POM121C: variants seen among roughly 807,000 people sequenced by gnomAD.
POM121C encodes nuclear envelope pore membrane protein POM 121C.
A neutral mutation model predicts 66.4 loss-of-function variants in POM121C; 20 were observed. That is an observed-to-expected ratio of 0.30 (90% CI 0.21 to 0.44). The LOEUF is 0.44. Ranked by LOEUF, POM121C falls within the 20% of genes least tolerant of loss-of-function variation. POM121C has a pLI of 1.00. For missense variants in POM121C, 580 were observed against 1,225.7 expected, an observed-to-expected ratio of 0.47 and a Z score of 7.87; for synonymous variants, 286 against 528.0, an observed-to-expected ratio of 0.54 and a Z score of 6.28.
chr7:75,476,506 C>T (rs1792082817), intron 1 of POM121C, among the ~76,000 whole-genome samples: 1 of 151,838 alleles, frequency 6.6e-6, no homozygotes, highest in African/African-American at 2.4e-5. Context: ...CAGCTAGGAC[C>T]ATGTAGATCC....
chr7:75,438,524 T>A (rs1790505606), intron 6 of POM121C, among the ~76,000 whole-genome samples: 1 of 152,206 alleles, frequency 6.6e-6, no homozygotes, highest in African/African-American at 2.4e-5. Context: ...AACATCTTCG[T>A]TGCTTCACTG....
chr7:75,443,263 T>C (rs1790729873), intron 3 of POM121C, among the ~76,000 whole-genome samples: 1 of 152,042 alleles, frequency 6.6e-6, no homozygotes, highest in Non-Finnish European at 1.5e-5. Flanking sequence ...TCTGAGAAAG[T>C]AGATTAGTGG....
chr7:75,462,756 T>TG, intron 3 of POM121C, among the ~76,000 whole-genome samples: 1 of 151,802 alleles, frequency 6.6e-6, no homozygotes, highest in South Asian at 2.1e-4. Flanking sequence ...GTAAATCAAA[T>TG]GCATACCCTG....
rs782740641 is a variant in POM121C at position 75,421,860 on chromosome 7, T to C, written c.2392A>G (p.Thr798Ala). ...GCTGCACCGAAGGAGAAGACAGCAG[T>C]GGAGCCGCCAAAGGCGGGCTGTGAG... The part of the protein sequence containing the change: ...ASSQPAFGGS[T>A]AVFSFGAATS... The change falls in exon 13 of 15, where the codon ACT becomes GCT. Residue 798 changes from threonine (T) to alanine (A), a missense_variant. Thr to Ala is a moderately conservative substitution (Grantham distance 58, BLOSUM62 0). Coordinates refer to ENST00000615331, the MANE Select transcript of POM121C (RefSeq NM_001099415.3). The C allele has an allele frequency of 9.9e-6, 16 of 1,610,888 alleles. No individual in the cohort carries two copies. In the Admixed American group the frequency reaches 1.3e-4, roughly 13 times the overall value.
rs369193599 is a variant in POM121C, at chr7:75,433,448, C to T, written c.480+4067G>A. 4.6e-5 allele frequency among the ~76,000 whole-genome samples: 7 copies of T among 151,844 alleles called. No homozygotes were observed. The South Asian group carries it at 6.2e-4, about 14-fold the overall frequency. The stretch of plus-strand genomic sequence containing the variant: ...TCTGCTTACTGCAAGCTCCGCCTCC[C>T]GGGTTCACGCCATTCTCCTGCCTCA... On this transcript the variant is annotated intron_variant, in intron 7 of 14. Coordinates refer to ENST00000615331, the MANE Select transcript of POM121C (RefSeq NM_001099415.3).
At chr7:75,434,052 A>G (rs879961754) in intron 7 of POM121C, among the ~76,000 whole-genome samples, 2 of 152,146 alleles carry the variant, frequency 1.3e-5, no homozygotes, top group Non-Finnish European at 2.9e-5. Context: ...GTGTGAGGAG[A>G]CTGTTTCTTG....
In POM121C at chr7:75,421,608, T is replaced by G. The variant is rs236661; in HGVS notation, c.2644A>C (p.Thr882Pro). 5 of 1,608,708 alleles carry G rather than the reference T, an allele frequency of 3.1e-6. No individual in the cohort carries two copies. The Admixed American group carries it at 8.4e-5, about 27-fold the overall frequency. ...SGSTATSTPF[T>P]GGLGQNALGT... The stretch of plus-strand genomic sequence containing the variant: ...AGGGCGTTCTGACCTAAGCCCCCTG[T>G]GAAGGGGGTGGAGGTGGCTGTGCTC... The change falls in exon 13 of 15, where the codon ACA becomes CCA. Residue 882 changes from threonine to proline, a missense_variant. Physicochemically the swap from Thr to Pro is conservative, Grantham distance 38. Transcript: ENST00000615331.
intron 3 of POM121C, chr7:75,442,599 G>A (rs1311052002): frequency 2.3e-5 from 35 of 1,491,308 alleles, no homozygotes; most frequent in Non-Finnish European, 3.1e-5. Context: ...AGGCCGACCA[G>A]CGACAGGCCG....
intron 3 of POM121C, among the ~76,000 whole-genome samples, chr7:75,458,766 C>T (rs1791340877): frequency 1.3e-5 from 2 of 152,122 alleles, no homozygotes; most frequent in African/African-American, 2.4e-5. Context: ...TTAAAACTTA[C>T]TCCTCATACT....
At chr7:75,484,492 C>G (rs1280162366) in intron 1 of POM121C, among the ~76,000 whole-genome samples, 2 of 151,906 alleles carry the variant, frequency 1.3e-5, no homozygotes, top group Non-Finnish European at 2.9e-5. Flanking sequence ...GGCAAAACCC[C>G]GTCTCTACTT....
Position 75,421,735 on chromosome 7 carries a change from A to G in POM121C, c.2517T>C (p.Gly839=). ...TCCCACTGCCAGCGGGGGCTGCCGAACCCCCAAACGTGAAGGGTGATGGTG... is the reference window on the plus strand; with the variant it reads ...TCCCACTGCCAGCGGGGGCTGCCGAGCCCCCAAACGTGAAGGGTGATGGTG... ...STTPSPFTFG[G]SAAPAGSGSF... The change falls in exon 13 of 15, where the codon GGT becomes GGC. Residue 839 remains glycine (G), a synonymous_variant. Coordinates refer to ENST00000615331, the MANE Select transcript of POM121C (RefSeq NM_001099415.3). 1 of 1,608,110 alleles carries G rather than the reference A, an allele frequency of 6.2e-7. No individual in the cohort carries two copies. Among genetic ancestry groups the G allele is most frequent in the Non-Finnish European group, 8.5e-7 (1 of 1,178,032 alleles).
At chr7:75,483,085 T>C (rs368495283) in intron 1 of POM121C, among the ~76,000 whole-genome samples, 16 of 151,960 alleles carry the variant, frequency 1.1e-4, no homozygotes, top group Admixed American at 7.2e-4. Flanking sequence ...CCCCCCATGA[T>C]CTAGGACTCA....
chr7:75,457,906 G>A (rs1417112063), intron 3 of POM121C, among the ~76,000 whole-genome samples: 3 of 152,348 alleles, frequency 2.0e-5, no homozygotes, highest in South Asian at 2.1e-4. Flanking sequence ...TAGAACAGGA[G>A]TGAAAGTTTA....
At position 75,417,480 on chromosome 7, in the gene POM121C, A is replaced by T. The variant is rs1428196723; in HGVS notation, c.*1316T>A. ...TTTTTCTTTTAATTTAGACACACGC[A>T]TTCATACTTCTCCCAAAGAGGTTGG... On this transcript the variant is annotated 3_prime_UTR_variant, in exon 15 of 15. Transcript: ENST00000615331. 3.1e-6 allele frequency: 3 copies of T among 980,844 alleles called. No homozygotes were observed. The African/African-American group carries it at 5.3e-5, about 17-fold the overall frequency. 60.8% of individuals were successfully genotyped at this position (980,844 alleles called of 1,614,324 possible).
intron 3 of POM121C, among the ~76,000 whole-genome samples, chr7:75,465,141 T>C (rs1372892212): frequency 5.3e-5 from 8 of 151,378 alleles, no homozygotes; most frequent in Non-Finnish European, 8.8e-5. Context: ...ATTACAGGCA[T>C]GCGCCACCAT....
At position 75,429,560 on chromosome 7, in the gene POM121C, G is replaced by C. The variant is rs781807355; in HGVS notation, c.481-3107C>G. ...GCAGGAGAATCACTTGAACCCGGGA[G>C]GTGGAGGGTGCAGTGAGCCGAGATT... On this transcript the variant is annotated intron_variant, in intron 7 of 14. Transcript: ENST00000615331. Among the ~76,000 whole-genome samples the C allele has an allele frequency of 9.2e-5, 14 of 152,282 alleles. No homozygotes were observed. In the South Asian group the frequency reaches 1.4e-3, roughly 16 times the overall value.
intron 3 of POM121C, among the ~76,000 whole-genome samples, chr7:75,446,987 A>G (rs1441389812): frequency 2.6e-5 from 3 of 116,114 alleles, no homozygotes; most frequent in Non-Finnish European, 3.3e-5. Context: ...CAGCCTGGGC[A>G]ACAGAGCGAG....
intron 1 of POM121C, among the ~76,000 whole-genome samples, chr7:75,479,984 T>C (rs1792248931): frequency 6.6e-6 from 1 of 150,410 alleles, no homozygotes; most frequent in Non-Finnish European, 1.5e-5. Context: ...AAGATGAGAC[T>C]AAAAGAAAGC....
Position 75,439,184 on chromosome 7 carries a change from G to A in POM121C, c.268C>T (p.Pro90Ser). Residue 90 changes from proline (P) to serine (S), a missense_variant, in exon 6 of 15, where the codon CCC becomes TCC. Physicochemically the swap from Pro to Ser is moderately conservative, Grantham distance 74. Transcript: ENST00000615331. ...GCGGGGACTCCACTGGCCACCAGGG[G>A]CTCAAATGCTGAATGTCCACTGCCA... The part of the protein sequence containing the change: ...SSGSGHSAFE[P>S]LVASGVPASF... 2.5e-6 allele frequency: 4 copies of A among 1,614,256 alleles called. No homozygotes were observed. Among genetic ancestry groups the A allele is most frequent in the Non-Finnish European group, 2.5e-6 (3 of 1,180,048 alleles).
Sources: gnomAD v4.1 joint callset for allele counts (sites outside exome capture counted in the v4.1 genomes callset) on GRCh38, gnomAD v4.1.1 for gene constraint, MANE v1.5 for transcripts, NCBI Gene and HGNC (gene_info 2026-07-23, HGNC 2026-07-21) for gene names.